The following MEGF8 variants were observed in gnomAD, a reference collection of about 807,000 sequenced individuals.
MEGF8 encodes the protein multiple EGF like domains 8.
In MEGF8, 156 loss-of-function variants were observed where a neutral mutation model predicts 302.9. The ratio of observed to expected loss-of-function variants is 0.52; its 90% CI spans 0.45 to 0.59. The LOEUF (loss-of-function observed/expected upper bound fraction) is 0.59. MEGF8 is among the 20% of genes least tolerant of loss of function. MEGF8 has a pLI of 0.00. For missense variants in MEGF8, 3,345 were observed against 3,964.5 expected (o/e 0.84, Z 4.20); for synonymous variants, 1,621 against 1,660.5 (o/e 0.98, Z 0.58).
At position 42,362,084 on chromosome 19, in the gene MEGF8, C is replaced by G; in HGVS notation, c.5721-6C>G. 6.2e-7 allele frequency: 1 copy of G among 1,611,906 alleles called. No homozygotes were observed. Among genetic ancestry groups the G allele is most frequent in the East Asian group, 2.2e-5 (1 of 44,830 alleles). On this transcript the variant is annotated splice_region_variant and splice_polypyrimidine_tract_variant and intron_variant, in intron 32 of 41. Coordinates refer to ENST00000251268, the MANE Select transcript of MEGF8 (RefSeq NM_001271938.2). ...GTGTGAGTGAGCCAGGCCTCATGTC[C>G]TTTAGGCTGGGCTGCGGGGGCTCCC...
rs977929615 is a variant in MEGF8 at position 42,378,481 on chromosome 19, C to G, written c.*1706C>G. Reference sequence around the variant, plus strand: ...CAGTGCTGCCTGGAAGATTTCTGGGCTCTCCTGAGGCGCCACCCCGCACCT... The same window carrying G: ...CAGTGCTGCCTGGAAGATTTCTGGGGTCTCCTGAGGCGCCACCCCGCACCT... On this transcript the variant is annotated 3_prime_UTR_variant, in exon 42 of 42. Transcript: ENST00000251268. 2 of 153,880 alleles carry G rather than the reference C, an allele frequency of 1.3e-5. No individual in the cohort carries two copies. The highest frequency in any genetic ancestry group is 2.9e-5 in the Non-Finnish European group (2 of 68,162). The allele number at this position is 153,880 out of a possible 1,614,324, so 9.5% of individuals were successfully genotyped here.
chr19:42,353,449 G>A lies in MEGF8; in HGVS notation c.3551-16G>A, dbSNP rs766566693. ...CCCTTGACTTGACTCTGTCCCACCTGCTGGGGCCTCCACAGACTGGACATG... is the reference window on the plus strand; with the variant it reads ...CCCTTGACTTGACTCTGTCCCACCTACTGGGGCCTCCACAGACTGGACATG... On this transcript the variant is annotated splice_polypyrimidine_tract_variant and intron_variant, in intron 20 of 41. Coordinates refer to ENST00000251268, the MANE Select transcript of MEGF8 (RefSeq NM_001271938.2). The surrounding 1 kb of genome is among the most constrained non-coding windows in gnomAD (Gnocchi z 6.1). The A allele has an allele frequency of 2.7e-5, 44 of 1,608,162 alleles. No individual in the cohort carries two copies. The highest frequency in any genetic ancestry group is 3.5e-5 in the Non-Finnish European group (41 of 1,178,658).
rs2038984308 is a variant in MEGF8 at position 42,326,411 on chromosome 19, C to T, written c.168C>T (p.Asn56=). The T allele has an allele frequency of 2.6e-6, 4 of 1,563,226 alleles. No individual in the cohort carries two copies. The highest frequency in any genetic ancestry group is 3.4e-6 in the Non-Finnish European group (4 of 1,159,798). The change falls in exon 1 of 42, where the codon AAC becomes AAT. Residue 56 remains asparagine (N), a synonymous_variant. Coordinates refer to ENST00000251268, the MANE Select transcript of MEGF8 (RefSeq NM_001271938.2). ...CGGGCAACTACAGCGTCAATGGCAA[C>T]TGCGAGTGGCTCATCGAGGGTGAGT... The part of the protein sequence containing the change: ...DGAGNYSVNG[N]CEWLIEAPSP...
intron 8 of MEGF8, among the ~76,000 whole-genome samples, chr19:42,342,650 A>T (rs80083369): frequency 6.2e-4 from 94 of 151,752 alleles, no homozygotes; most frequent in African/African-American, 2.2e-3. Flanking sequence ...AAAAAAAAAA[A>T]GGAATTTCCT....
chr19:42,356,941 G>A lies in MEGF8; in HGVS notation c.4790G>A (p.Trp1597Ter), dbSNP rs1256662215. 1 of 1,610,576 alleles carries A rather than the reference G, an allele frequency of 6.2e-7. No individual in the cohort carries two copies. The highest frequency in any genetic ancestry group is 8.5e-7 in the Non-Finnish European group (1 of 1,178,650). Residue 1597 changes from tryptophan to a stop codon, truncating the protein, a stop_gained, in exon 27 of 42, where the codon TGG becomes TAG. Coordinates refer to ENST00000251268, the MANE Select transcript of MEGF8 (RefSeq NM_001271938.2). LOFTEE classifies it high-confidence loss of function. This position sits in a 1 kb window ranked among gnomAD's most constrained non-coding sequence, Gnocchi z 5.2. ...GCTGGAGGCGTCACCCGTGATTTCT[G>A]GGTCCTCAACCTCACCACCCTGCAA... is the stretch of plus-strand genomic sequence containing the variant. ...LTAGGVTRDF[W>*]VLNLTTLQWR...
In MEGF8 at chr19:42,369,102, A is replaced by AAC. The variant is rs771771847; in HGVS notation, c.6641+100_6641+101insAC. 1.1e-5 allele frequency: 16 copies of AAC among 1,434,736 alleles called. No individual in the cohort carries two copies. The highest frequency in any genetic ancestry group is 1.5e-5 in the Non-Finnish European group (16 of 1,070,524). 88.9% of individuals were successfully genotyped at this position (1,434,736 alleles called of 1,614,324 possible). A position where few individuals can be genotyped will look rare whatever the true frequency, so the allele number is the denominator to read the frequency against. ...CTAGAGCCAAGCAGGACAGAAGAAA[A>AAC]GAAAGCTCGAGGCATGAAGGCAGTG... is the stretch of plus-strand genomic sequence containing the variant. On this transcript the variant is annotated intron_variant, in intron 37 of 41. Transcript: ENST00000251268. This position sits in a 1 kb window ranked among gnomAD's most constrained non-coding sequence, Gnocchi z 5.7.
intron 3 of MEGF8, 130 bp from the exon 4 acceptor site, chr19:42,334,901 CCTGT>C (rs1460936183): frequency 1.8e-5 from 15 of 856,516 alleles, no homozygotes; most frequent in Non-Finnish European, 2.6e-5. Flanking sequence ...CCTCTCCCTT[CCTGT>C]CTGTCTCTTT....
intron 32 of MEGF8, 116 bp downstream of exon 32, chr19:42,361,122 T>A (rs2039525694): frequency 1.8e-6 from 2 of 1,126,510 alleles, no homozygotes; most frequent in African/African-American, 3.2e-5. Context: ...AGGAAAGGGG[T>A]GAATCACCGC....
chr19:42,347,759 C>T (rs2039311730), intron 12 of MEGF8, among the ~76,000 whole-genome samples: 1 of 151,930 alleles, frequency 6.6e-6, no homozygotes, highest in South Asian at 2.1e-4. Context: ...CCCAAAGTGC[C>T]CGCCGTGCCC....
In MEGF8 at chr19:42,371,528, T is replaced by C. The variant is rs765875574; in HGVS notation, c.7269+46T>C. 5.0e-6 allele frequency: 8 copies of C among 1,611,582 alleles called. No homozygotes were observed. In the African/African-American group the frequency reaches 1.1e-4, roughly 22 times the overall value. On this transcript the variant is annotated intron_variant, in intron 41 of 41. Transcript: ENST00000251268. ...GGTGGGCCGAGGGCCCTACACCTTGTGGAGGTCAGGGCTGGGATGAGGTAG... is the reference window on the plus strand; with the variant it reads ...GGTGGGCCGAGGGCCCTACACCTTGCGGAGGTCAGGGCTGGGATGAGGTAG...
intron 1 of MEGF8, among the ~76,000 whole-genome samples, chr19:42,333,122 G>A (rs916987680): frequency 1.3e-5 from 2 of 152,192 alleles, no homozygotes; most frequent in Admixed American, 6.5e-5. Context: ...GAAGAAGCTG[G>A]ACTCTTCTCT....
At position 42,356,993 on chromosome 19, in the gene MEGF8, TC is replaced by T; in HGVS notation, c.4830+16del. ...GGCGGCAGGAGAAGGTGAGCATCTC[TC>T]CCCAGCCCACTCCCCAGCCCTCACA... On this transcript the variant is annotated intron_variant, in intron 27 of 41. Coordinates refer to ENST00000251268, the MANE Select transcript of MEGF8 (RefSeq NM_001271938.2). The surrounding 1 kb of genome is among the most constrained non-coding windows in gnomAD (Gnocchi z 5.2). 6.4e-7 allele frequency: 1 copy of T among 1,572,586 alleles called. No homozygotes were observed. The highest frequency in any genetic ancestry group is 8.6e-7 in the Non-Finnish European group (1 of 1,159,852).
At position 42,332,373 on chromosome 19, in the gene MEGF8, G is replaced by GT. The variant is rs376436060; in HGVS notation, c.188-1221dup. 2.4e-3 allele frequency among the ~76,000 whole-genome samples: 357 copies of GT among 146,966 alleles called. 1 individual carries two copies. The highest frequency in any genetic ancestry group is 4.8e-3 in the African/African-American group (193 of 40,376). On this transcript the variant is annotated intron_variant, in intron 1 of 41. Transcript: ENST00000251268. ...TTTCTTGTGGCTTTGGCTTTTCTTT[G>GT]TTTTTTTTTTTGAGACGAAGTCTCG... is the stretch of plus-strand genomic sequence containing the variant.
intron 41 of MEGF8, among the ~76,000 whole-genome samples, chr19:42,371,879 T>TC (rs1391819026): frequency 1.3e-5 from 2 of 152,016 alleles, no homozygotes; most frequent in Non-Finnish European, 2.9e-5. Flanking sequence ...GCCCGGGGGT[T>TC]CAAGACCAGC....
intron 23 of MEGF8, 130 bp from the exon 24 acceptor site, chr19:42,355,628 C>T: frequency 7.5e-7 from 1 of 1,326,606 alleles, no homozygotes; most frequent in Non-Finnish European, 1.0e-6. Context: ...AATGGTTCAT[C>T]CTGGCGATGA....
At chr19:42,331,898 G>A (rs983658244) in intron 1 of MEGF8, among the ~76,000 whole-genome samples, 4 of 148,594 alleles carry the variant, frequency 2.7e-5, no homozygotes, top group African/African-American at 5.0e-5. Flanking sequence ...CCCCTCTGTC[G>A]CCCAGGCTGG....
intron 15 of MEGF8, 128 bp downstream of exon 15, chr19:42,350,512 C>T: frequency 3.7e-6 from 3 of 821,788 alleles, no homozygotes; most frequent in South Asian, 1.9e-5. Context: ...ATCTGCAGAG[C>T]CTGGTGGGGA....
At position 42,352,153 on chromosome 19, in the gene MEGF8, TG is replaced by T. The variant is rs1382014189; in HGVS notation, c.3102-54del. The T allele has an allele frequency of 1.0e-5, 15 of 1,463,090 alleles. No individual in the cohort carries two copies. Among genetic ancestry groups the T allele is most frequent in the Non-Finnish European group, 1.4e-5 (15 of 1,103,648 alleles). 90.6% of individuals were successfully genotyped at this position (1,463,090 alleles called of 1,614,324 possible). Reference sequence around the variant, plus strand: ...TCCTCTCTCCCTGTCATTGTTTCTATGTATGGCTCCTGTTTCTATGTTGTCC... The same window carrying T: ...TCCTCTCTCCCTGTCATTGTTTCTATTATGGCTCCTGTTTCTATGTTGTCC... On this transcript the variant is annotated intron_variant, in intron 18 of 41. Coordinates refer to ENST00000251268, the MANE Select transcript of MEGF8 (RefSeq NM_001271938.2). This position sits in a 1 kb window ranked among gnomAD's most constrained non-coding sequence, Gnocchi z 4.4.
intron 1 of MEGF8, among the ~76,000 whole-genome samples, chr19:42,330,314 A>C (rs1483074751): frequency 6.6e-6 from 1 of 152,132 alleles, no homozygotes; most frequent in Non-Finnish European, 1.5e-5. Flanking sequence ...CTGGAGTGGT[A>C]TGGGGGTTGG....
Sources: allele counts gnomAD v4.1 joint callset (sites outside exome capture counted in the v4.1 genomes callset), GRCh38; gene constraint gnomAD v4.1.1; non-coding constraint Gnocchi (gnomAD v3.1); transcripts MANE v1.5; gene names NCBI Gene and HGNC (gene_info 2026-07-23, HGNC 2026-07-21).